The following VMAC variants were observed in gnomAD, a reference collection of about 807,000 sequenced individuals.
VMAC encodes the protein vimentin type intermediate filament associated coiled-coil protein, also known as vimentin-type intermediate filament-associated coiled-coil protein.
Under a neutral mutation model 4.8 loss-of-function variants are expected in VMAC, and 8 were observed. The observed-to-expected ratio is 1.68, with a 90% CI of 0.99 to 3.03. The LOEUF is 3.03. VMAC is among the 30% of genes most tolerant of loss of function. VMAC has a pLI of 0.00. For synonymous variants in VMAC, 96 were observed against 113.7 expected, an observed-to-expected ratio of 0.84 and a Z score of 0.99; for missense variants, 248 against 245.1, an observed-to-expected ratio of 1.01 and a Z score of -0.08.
chr19:5,908,304 G>C lies in VMAC; in HGVS notation c.192-520G>C, dbSNP rs1225519941. ...GCACTGAACTCCAGCCTGGGCAACA[G>C]AGCGAGACTGTCTCAGAAATTATAA... On this transcript the variant is annotated intron_variant, in intron 1 of 1. Transcript: ENST00000339485. This position sits in a 1 kb window ranked among gnomAD's most constrained non-coding sequence, Gnocchi z 4.5. 6.6e-6 allele frequency among the ~76,000 whole-genome samples: 1 copy of C among 152,078 alleles called. No homozygotes were observed. Among genetic ancestry groups the C allele is most frequent in the East Asian group, 1.9e-4 (1 of 5,190 alleles).
In VMAC at chr19:5,908,244, T is replaced by G. The variant is rs1447775896; in HGVS notation, c.192-580T>G. On this transcript the variant is annotated intron_variant, in intron 1 of 1. Transcript: ENST00000339485. The surrounding 1 kb of genome is among the most constrained non-coding windows in gnomAD (Gnocchi z 4.5). ...CTGTAAACCCAGCTACTCGGGAGGT[T>G]GAGGAGGACAGTTTGAACCTGGGAG... Among the ~76,000 whole-genome samples, 1 of 152,118 alleles carries G rather than the reference T, an allele frequency of 6.6e-6. No homozygotes were observed. The highest frequency in any genetic ancestry group is 1.5e-5 in the Non-Finnish European group (1 of 68,034).
chr19:5,907,125 G>A (rs2057681379), intron 1 of VMAC, among the ~76,000 whole-genome samples: 1 of 152,186 alleles, frequency 6.6e-6, no homozygotes, highest in Non-Finnish European at 1.5e-5. Flanking sequence ...CAGGGTGCCA[G>A]CATGGTCAGG....
intron 1 of VMAC, 28 bp downstream of exon 1, chr19:5,905,109 T>C: frequency 1.5e-6 from 2 of 1,335,360 alleles, no homozygotes; most frequent in Non-Finnish European, 9.5e-7. Flanking sequence ...CCAGGTGGAC[T>C]TCACCGAGGC....
Position 5,908,082 on chromosome 19 carries a change from G to A in VMAC, c.192-742G>A, listed in dbSNP as rs967459098. ...AGTTCAGGCTGGGTACAGTGGCTCA[G>A]CCTGTAATCCCAGTACTTTGGGAGG... On this transcript the variant is annotated intron_variant, in intron 1 of 1. Coordinates refer to ENST00000339485, the MANE Select transcript of VMAC (RefSeq NM_001017921.4). This position sits in a 1 kb window ranked among gnomAD's most constrained non-coding sequence, Gnocchi z 4.5. Among the ~76,000 whole-genome samples the A allele has an allele frequency of 2.0e-5, 3 of 152,184 alleles. No individual in the cohort carries two copies. The highest frequency in any genetic ancestry group is 4.4e-5 in the Non-Finnish European group (3 of 68,044).
At position 5,908,968 on chromosome 19, in the gene VMAC, A is replaced by AC. The variant is rs760107549; in HGVS notation, c.340dup (p.Leu114ProfsTer10). Reference sequence around the variant, plus strand: ...TGCAGGACATCTGCCGCCGCCGGCCACCCCTGGCTGGGCTGCTGGATGCCC... The same window carrying AC: ...TGCAGGACATCTGCCGCCGCCGGCCACCCCCTGGCTGGGCTGCTGGATGCCC... On this transcript the variant is annotated frameshift_variant, in exon 2 of 2. Coordinates refer to ENST00000339485, the MANE Select transcript of VMAC (RefSeq NM_001017921.4). LOFTEE classifies it low-confidence loss of function (END_TRUNC). The surrounding 1 kb of genome is among the most constrained non-coding windows in gnomAD (Gnocchi z 4.5). 1.2e-6 allele frequency: 2 copies of AC among 1,612,222 alleles called. No individual in the cohort carries two copies. Among genetic ancestry groups the AC allele is most frequent in the Admixed American group, 3.3e-5 (2 of 59,872 alleles).
rs1437171881 is a variant in VMAC, at chr19:5,908,818, TG to T, written c.192-5del. ...CTGTAATCACCTCCTCTTGCCTTCC[TG>T]CCAGTGAGATTGCCACACTCCAGGA... On this transcript the variant is annotated splice_region_variant and splice_polypyrimidine_tract_variant and intron_variant, in intron 1 of 1. Transcript: ENST00000339485. The surrounding 1 kb of genome is among the most constrained non-coding windows in gnomAD (Gnocchi z 4.5). The T allele has an allele frequency of 6.2e-7, 1 of 1,613,404 alleles. No homozygotes were observed. The highest frequency in any genetic ancestry group is 1.7e-5 in the Admixed American group (1 of 59,830).
rs1487155256 is a variant in VMAC, at chr19:5,906,631, C to T, written c.191+1550C>T. 2.0e-5 allele frequency among the ~76,000 whole-genome samples: 3 copies of T among 152,152 alleles called. No homozygotes were observed. In the East Asian group the frequency reaches 5.8e-4, roughly 29 times the overall value. On this transcript the variant is annotated intron_variant, in intron 1 of 1. Coordinates refer to ENST00000339485, the MANE Select transcript of VMAC (RefSeq NM_001017921.4). ...GCTCTGAGGGATCTCAGAGTGAAGGCTTCCCAGAGGAAGAGCCTACTAAGA... is the reference window on the plus strand; with the variant it reads ...GCTCTGAGGGATCTCAGAGTGAAGGTTTCCCAGAGGAAGAGCCTACTAAGA...
Position 5,909,332 on chromosome 19 carries a change from G to T in VMAC, c.*190G>T, listed in dbSNP as rs2057690113. ...GTGCAGACGTTTAACCCAGACAGAAGTGTTCTTGTTTGTTTTTAAGCTTTG... is the reference window on the plus strand; with the variant it reads ...GTGCAGACGTTTAACCCAGACAGAATTGTTCTTGTTTGTTTTTAAGCTTTG... On this transcript the variant is annotated 3_prime_UTR_variant, in exon 2 of 2. Transcript: ENST00000339485. 2 of 574,310 alleles carry T rather than the reference G, an allele frequency of 3.5e-6. No individual in the cohort carries two copies. Among genetic ancestry groups the T allele is most frequent in the South Asian group, 5.2e-5 (2 of 38,256 alleles). 35.6% of individuals were successfully genotyped at this position (574,310 alleles called of 1,614,324 possible).
chr19:5,904,894 T>G lies in VMAC; in HGVS notation c.4T>G (p.Ser2Ala), dbSNP rs1477872483. 7.4e-6 allele frequency: 11 copies of G among 1,477,384 alleles called. No individual in the cohort carries two copies. The East Asian group carries it at 3.2e-4, about 43-fold the overall frequency. 91.5% of individuals were successfully genotyped at this position (1,477,384 alleles called of 1,614,324 possible). The stretch of plus-strand genomic sequence containing the variant: ...GGCCTGTACAGCAGCCTGGGCCATG[T>G]CGGCGCCGCCGGCCCTGCAGATCCG... M[S>A]APPALQIREA... The change falls in exon 1 of 2, where the codon TCG becomes GCG. Residue 2 changes from serine to alanine, a missense_variant. Coordinates refer to ENST00000339485, the MANE Select transcript of VMAC (RefSeq NM_001017921.4).
chr19:5,909,100 C>T lies in VMAC; in HGVS notation c.468C>T (p.Asp156=). Residue 156 remains aspartate, a synonymous_variant, in exon 2 of 2, where the codon GAC becomes GAT. Coordinates refer to ENST00000339485, the MANE Select transcript of VMAC (RefSeq NM_001017921.4). Reference sequence around the variant, plus strand: ...ACAACAGCACTGGGGAAGAGGCGGACAGGGACCACCTCCAGCCTGCAGTGT... The same window carrying T: ...ACAACAGCACTGGGGAAGAGGCGGATAGGGACCACCTCCAGCCTGCAGTGT... The part of the protein sequence containing the change: ...PLDNSTGEEA[D]RDHLQPAVFG... The T allele has an allele frequency of 1.9e-6, 3 of 1,554,352 alleles. No individual in the cohort carries two copies. The highest frequency in any genetic ancestry group is 2.6e-6 in the Non-Finnish European group (3 of 1,155,084).
intron 1 of VMAC, among the ~76,000 whole-genome samples, chr19:5,907,538 C>T (rs432990): frequency 0.68 from 99,680 of 146,918 alleles, 33,960 homozygotes; most frequent in Admixed American, 0.79. Flanking sequence ...TTTGGGAGGC[C>T]GAAGCGGTCA....
In VMAC at chr19:5,905,018, G is replaced by T. The variant is rs571818716; in HGVS notation, c.128G>T (p.Arg43Leu). 6.1e-5 allele frequency: 86 copies of T among 1,411,264 alleles called. No individual in the cohort carries two copies. The Admixed American group carries it at 2.7e-3, about 45-fold the overall frequency. 87.4% of individuals were successfully genotyped at this position (1,411,264 alleles called of 1,614,324 possible). The change falls in exon 1 of 2, where the codon CGC becomes CTC. Residue 43 changes from arginine to leucine, a missense_variant. Coordinates refer to ENST00000339485, the MANE Select transcript of VMAC (RefSeq NM_001017921.4). ...AERTVHAQAE[R>L]LALHDQQLRA... ...CGCACGGTGCACGCCCAAGCCGAGC[G>T]CCTGGCCCTCCACGACCAGCAGCTG...
intron 1 of VMAC, among the ~76,000 whole-genome samples, chr19:5,907,130 G>A (rs777492955): frequency 2.0e-5 from 3 of 152,188 alleles, no homozygotes; most frequent in Non-Finnish European, 4.4e-5. Context: ...TGCCAGCATG[G>A]TCAGGTTATG....
chr19:5,907,980 A>ATC (rs2057684854), intron 1 of VMAC, among the ~76,000 whole-genome samples: 1 of 152,198 alleles, frequency 6.6e-6, no homozygotes, highest in Non-Finnish European at 1.5e-5. Flanking sequence ...TCCTTAGAGC[A>ATC]TCGTGAGAAT....
intron 1 of VMAC, among the ~76,000 whole-genome samples, chr19:5,906,225 C>T (rs1404831440): frequency 6.6e-6 from 1 of 152,178 alleles, no homozygotes; most frequent in Non-Finnish European, 1.5e-5. Flanking sequence ...CTGCCTCAGC[C>T]TCCCGAAGTG....
intron 1 of VMAC, among the ~76,000 whole-genome samples, chr19:5,907,899 G>A (rs1355955755): frequency 2.6e-5 from 4 of 152,040 alleles, no homozygotes; most frequent in Admixed American, 6.6e-5. Flanking sequence ...TAAGTTTCCC[G>A]AGGCCACCCC....
At position 5,907,655 on chromosome 19, in the gene VMAC, A is replaced by C. The variant is rs1210490397; in HGVS notation, c.192-1169A>C. On this transcript the variant is annotated intron_variant, in intron 1 of 1. Coordinates refer to ENST00000339485, the MANE Select transcript of VMAC (RefSeq NM_001017921.4). ...AAAAAAATTAGCTGGGCATGGTGGC[A>C]CACGCCTGCAGTCCCAGCTACTGGG... 2.1e-5 allele frequency among the ~76,000 whole-genome samples: 3 copies of C among 143,762 alleles called. No individual in the cohort carries two copies. The East Asian group carries it at 6.1e-4, about 29-fold the overall frequency. 94.3% of individuals were successfully genotyped at this position (143,762 alleles called of 152,430 possible).
rs920437498 is a variant in VMAC, at chr19:5,908,769, G to A, written c.192-55G>A. 6 of 1,590,298 alleles carry A rather than the reference G, an allele frequency of 3.8e-6. No individual in the cohort carries two copies. The highest frequency in any genetic ancestry group is 1.7e-6 in the Non-Finnish European group (2 of 1,165,294). ...CCTCTTGCGGGTCCAGAGCAGGGAG[G>A]AGCAGGTGCTGTGGTCCTCAGTTCT... On this transcript the variant is annotated intron_variant, in intron 1 of 1. Transcript: ENST00000339485. This position sits in a 1 kb window ranked among gnomAD's most constrained non-coding sequence, Gnocchi z 4.5.
chr19:5,909,378 A>C lies in VMAC; in HGVS notation c.*236A>C. ...CTTTGAATCAGTCACCCTTGCTAAA[A>C]ACCTGGCAATGCAAACACAAAGATC... On this transcript the variant is annotated 3_prime_UTR_variant, in exon 2 of 2. Coordinates refer to ENST00000339485, the MANE Select transcript of VMAC (RefSeq NM_001017921.4). 1 of 488,590 alleles carries C rather than the reference A, an allele frequency of 2.0e-6. No individual in the cohort carries two copies. Among genetic ancestry groups the C allele is most frequent in the Non-Finnish European group, 3.5e-6 (1 of 283,272 alleles). The allele number at this position is 488,590 out of a possible 1,614,324, so 30.3% of individuals were successfully genotyped here.
Sources: gnomAD v4.1 joint callset for allele counts (sites outside exome capture counted in the v4.1 genomes callset) on GRCh38, gnomAD v4.1.1 for gene constraint, Gnocchi (gnomAD v3.1) non-coding constraint, MANE v1.5 for transcripts, NCBI Gene and HGNC (gene_info 2026-07-23, HGNC 2026-07-21) for gene names.